Variants in ECE1 observed in about 807,000 individuals in gnomAD.
The protein encoded by ECE1 is endothelin-converting enzyme 1.
A neutral mutation model predicts 98.6 loss-of-function variants in ECE1; 35 were observed. That is an observed-to-expected ratio of 0.35 (90% CI 0.27 to 0.47). The LOEUF is 0.47. Among genes scored for constraint, ECE1 ranks in the 20% least tolerant of loss-of-function variants. ECE1 has a pLI of 1.00. For missense variants in ECE1, 814 were observed against 1,025.3 expected, an observed-to-expected ratio of 0.79 and a Z score of 2.81; for synonymous variants, 394 against 407.1, an observed-to-expected ratio of 0.97 and a Z score of 0.39.
At chr1:21,227,082 T>G in intron 16 of ECE1, 77 bp downstream of exon 16, 1 of 1,488,542 alleles carries the variant, frequency 6.7e-7, no homozygotes, top group Non-Finnish European at 9.3e-7. Flanking sequence ...GGTCTCAAAC[T>G]CCTGCCCTCA....
At chr1:21,257,496 G>A (rs2098221336) in intron 7 of ECE1, 29 bp downstream of exon 7, 1 of 1,612,872 alleles carries the variant, frequency 6.2e-7, no homozygotes, top group South Asian at 1.1e-5. Context: ...GTGCTGGGAG[G>A]CAGGCTGGGA....
chr1:21,321,622 G>A (rs1638965531), intron 1 of ECE1, among the ~76,000 whole-genome samples: 2 of 152,028 alleles, frequency 1.3e-5, no homozygotes, highest in African/African-American at 4.8e-5. Flanking sequence ...TTGATTGATT[G>A]ATTGATTGAT....
upstream of ECE1, among the ~76,000 whole-genome samples, chr1:21,292,749 C>G (rs1216768005): frequency 2.0e-5 from 3 of 152,214 alleles, no homozygotes; most frequent in Non-Finnish European, 4.4e-5. Flanking sequence ...AACTCTCCTG[C>G]ATCTAACTTC....
At chr1:21,227,271 G>C in intron 15 of ECE1, 45 bp from the exon 16 acceptor site, 1 of 1,548,986 alleles carries the variant, frequency 6.5e-7, no homozygotes, top group Non-Finnish European at 8.9e-7. Flanking sequence ...TTGAGAGGAG[G>C]GCCTCTCACT....
At position 21,322,365 on chromosome 1, in the gene ECE1, T is replaced by C. The variant is rs778967398; in HGVS notation, c.3+23011A>G. On this transcript the variant is annotated intron_variant, in intron 1 of 18. Coordinates refer to the ECE1 transcript ENST00000415912. The surrounding 1 kb of genome is among the most constrained non-coding windows in gnomAD (Gnocchi z 4.1). ...TTCCATTCCCACAACCATGGGCACCTTGTGGAGGACTTGGTAGCCCTTAGC... is the reference window on the plus strand; with the variant it reads ...TTCCATTCCCACAACCATGGGCACCCTGTGGAGGACTTGGTAGCCCTTAGC... Among the ~76,000 whole-genome samples, 1 of 152,196 alleles carries C rather than the reference T, an allele frequency of 6.6e-6. No homozygotes were observed. The highest frequency in any genetic ancestry group is 1.5e-5 in the Non-Finnish European group (1 of 68,022).
chr1:21,283,528 C>T (rs1447948803), intron 2 of ECE1, among the ~76,000 whole-genome samples: 1 of 152,222 alleles, frequency 6.6e-6, no homozygotes, highest in Admixed American at 6.5e-5. Flanking sequence ...GCCTCAGCTT[C>T]CCAAAGTGCT....
intron 2 of ECE1, among the ~76,000 whole-genome samples, chr1:21,281,191 G>GAAAACAACAAAACAAAACAAAAC (rs1553365109): frequency 4.0e-5 from 6 of 151,602 alleles, no homozygotes; most frequent in African/African-American, 1.5e-4. Context: ...CTCCGTCTCG[G>GAAAACAACAAAACAAAACAAAAC]AAAACAAAAC....
At chr1:21,313,996 C>T (rs1638780773) in intron 1 of ECE1, among the ~76,000 whole-genome samples, 1 of 152,210 alleles carries the variant, frequency 6.6e-6, no homozygotes, top group Admixed American at 6.5e-5. Flanking sequence ...GCTGAGGCTG[C>T]AGCTGCTAAA....
At chr1:21,326,030 T>C (rs1639071494) in intron 1 of ECE1, among the ~76,000 whole-genome samples, 1 of 152,140 alleles carries the variant, frequency 6.6e-6, no homozygotes, top group African/African-American at 2.4e-5. Context: ...CTTTGACTTG[T>C]CCTAAAATGG....
chr1:21,239,539 C>A (rs932314491), intron 10 of ECE1, among the ~76,000 whole-genome samples: 1 of 152,104 alleles, frequency 6.6e-6, no homozygotes, highest in African/African-American at 2.4e-5. Context: ...TACTACTTGG[C>A]AACAAAAAGG....
In ECE1 at chr1:21,276,495, G is replaced by A. The variant is rs561345390; in HGVS notation, c.280+2696C>T. Among the ~76,000 whole-genome samples the A allele has an allele frequency of 2.0e-5, 3 of 152,198 alleles. No homozygotes were observed. The South Asian group carries it at 6.2e-4, about 32-fold the overall frequency. ...TTACAGACACTCATCTGGACAGCCT[G>A]GCCTCAAAACTGTGTAGAATGCTTT... On this transcript the variant is annotated intron_variant, in intron 3 of 18. Transcript: ENST00000374893.
At chr1:21,287,299 G>A (rs1452279530) in intron 2 of ECE1, among the ~76,000 whole-genome samples, 2 of 152,200 alleles carry the variant, frequency 1.3e-5, no homozygotes, top group African/African-American at 4.8e-5. Flanking sequence ...GCCGAGGCAG[G>A]CAGATCACCT....
In ECE1 at chr1:21,225,146, C is replaced by T. The variant is rs373961803; in HGVS notation, c.2040+104G>A. On this transcript the variant is annotated intron_variant, in intron 17 of 18. Transcript: ENST00000374893. The surrounding 1 kb of genome is among the most constrained non-coding windows in gnomAD (Gnocchi z 5.3). ...GCAGAAGAGGAAACGGAAGCTCGCA[C>T]GGCTGCTGCGCCTGCCCTGGTTGTC... 1.1e-4 allele frequency: 157 copies of T among 1,466,390 alleles called. 1 individual carries two copies. In the African/African-American group the frequency reaches 1.7e-3, roughly 16 times the overall value. 90.8% of individuals were successfully genotyped at this position (1,466,390 alleles called of 1,614,324 possible). A position where few individuals can be genotyped will look rare whatever the true frequency, so the allele number is the denominator to read the frequency against.
intron 11 of ECE1, 99 bp from the exon 12 acceptor site, chr1:21,236,943 C>A: frequency 1.7e-6 from 2 of 1,167,106 alleles, no homozygotes; most frequent in Non-Finnish European, 2.6e-6. Flanking sequence ...AGATTAAACT[C>A]AATTTTCCAA....
At chr1:21,242,101 A>G (rs573311719) in intron 10 of ECE1, among the ~76,000 whole-genome samples, 2 of 152,340 alleles carry the variant, frequency 1.3e-5, no homozygotes, top group South Asian at 2.1e-4. Flanking sequence ...TTGAGCAGTC[A>G]GAAGAGACTT....
At chr1:21,227,742 G>A (rs543409306) in intron 15 of ECE1, among the ~76,000 whole-genome samples, 189 bp downstream of exon 15, 2 of 152,250 alleles carry the variant, frequency 1.3e-5, no homozygotes, top group South Asian at 4.1e-4. Flanking sequence ...ACCCCACTGT[G>A]CAGGGCTTCC....
chr1:21,325,560 C>A (rs1402576768), intron 1 of ECE1, among the ~76,000 whole-genome samples: 1 of 152,274 alleles, frequency 6.6e-6, no homozygotes, highest in East Asian at 1.9e-4. Flanking sequence ...AAGTCAGATG[C>A]TCTACAGAAG....
intron 1 of ECE1, among the ~76,000 whole-genome samples, chr1:21,328,893 G>T (rs1639138769): frequency 6.6e-6 from 1 of 151,970 alleles, no homozygotes; most frequent in African/African-American, 2.4e-5. Context: ...GCCACCACAA[G>T]CTTTGGGCAA....
In ECE1 at chr1:21,277,332, C is replaced by T. The variant is rs28367946; in HGVS notation, c.280+1859G>A. ...CATCAGGAGCTGGCCCGTGGGGACT[C>T]CCCCCTGGTTTCTGGTGAAGACATA... On this transcript the variant is annotated intron_variant, in intron 3 of 18. Transcript: ENST00000374893. Among the ~76,000 whole-genome samples, 974 of 152,332 alleles carry T rather than the reference C, an allele frequency of 6.4e-3. 13 individuals are homozygous for T. Among genetic ancestry groups the T allele is most frequent in the African/African-American group, 0.022 (914 of 41,574 alleles).
Sources: gnomAD v4.1 joint callset for allele counts (sites outside exome capture counted in the v4.1 genomes callset) on GRCh38, gnomAD v4.1.1 for gene constraint, Gnocchi (gnomAD v3.1) non-coding constraint, MANE v1.5 for transcripts, NCBI Gene and HGNC (gene_info 2026-07-23, HGNC 2026-07-21) for gene names.